Variants in CDH12 observed in about 807,000 individuals in gnomAD.
The protein encoded by CDH12 is cadherin 12, also known as cadherin-12.
In CDH12, 41 loss-of-function variants were observed where a neutral mutation model predicts 74.1. The ratio of observed to expected loss-of-function variants is 0.55; its 90% CI spans 0.43 to 0.72. CDH12 has a LOEUF of 0.72. CDH12 is among the 30% of genes least tolerant of loss of function. CDH12 has a pLI of 0.00. For synonymous variants in CDH12, 399 were observed against 355.0 expected, an observed-to-expected ratio of 1.12 and a Z score of -1.39; for missense variants, 945 against 977.2, an observed-to-expected ratio of 0.97 and a Z score of 0.44.
intron 4 of CDH12, among the ~76,000 whole-genome samples, chr5:22,178,148 T>TA (rs1408460936): frequency 2.0e-5 from 3 of 152,176 alleles, no homozygotes; most frequent in African/African-American, 7.2e-5. Flanking sequence ...ATCTAATTGG[T>TA]CATGCCCCTC....
chr5:22,283,694 T>C (rs1422444308), intron 3 of CDH12, among the ~76,000 whole-genome samples: 2 of 152,068 alleles, frequency 1.3e-5, no homozygotes, highest in Non-Finnish European at 2.9e-5. Flanking sequence ...AGATCTATTG[T>C]ATAGTATGGT....
At chr5:22,044,434 G>C (rs1396217318) in intron 5 of CDH12, among the ~76,000 whole-genome samples, 1 of 152,174 alleles carries the variant, frequency 6.6e-6, no homozygotes, top group Non-Finnish European at 1.5e-5. Flanking sequence ...GCAGGAGAGA[G>C]AGAGCAGGAA....
intron 5 of CDH12, among the ~76,000 whole-genome samples, chr5:22,046,360 T>C (rs1489067494): frequency 6.6e-6 from 1 of 152,020 alleles, no homozygotes; most frequent in Non-Finnish European, 1.5e-5. Context: ...CCAAAGATTT[T>C]CATTCTTGTC....
At chr5:22,719,376 C>T (rs1011551928) in intron 1 of CDH12, among the ~76,000 whole-genome samples, 7 of 152,072 alleles carry the variant, frequency 4.6e-5, no homozygotes, top group African/African-American at 7.2e-5. Flanking sequence ...TAGATGGTTA[C>T]GGTGATGGTA....
At chr5:22,365,328 C>A (rs577742547) in intron 3 of CDH12, among the ~76,000 whole-genome samples, 3 of 152,250 alleles carry the variant, frequency 2.0e-5, no homozygotes, top group East Asian at 3.9e-4. Flanking sequence ...CTAGTAAAAT[C>A]ATCTCATCTC....
intron 3 of CDH12, among the ~76,000 whole-genome samples, chr5:22,252,823 G>A (rs1420184351): frequency 2.0e-5 from 3 of 151,660 alleles, no homozygotes; most frequent in Admixed American, 6.6e-5. Flanking sequence ...TCTATGTCCA[G>A]GAATTTTTTT....
intron 1 of CDH12, among the ~76,000 whole-genome samples, chr5:22,533,360 T>C (rs1737679081): frequency 6.6e-6 from 1 of 152,350 alleles, no homozygotes; most frequent in East Asian, 1.9e-4. Context: ...GTCTTCTTTC[T>C]GTACATAATG....
At chr5:22,469,098 A>G (rs150281519) in intron 2 of CDH12, among the ~76,000 whole-genome samples, 3 of 152,316 alleles carry the variant, frequency 2.0e-5, no homozygotes, top group East Asian at 3.9e-4. Context: ...AGGGGCTGGA[A>G]AAATTATCAT....
chr5:22,290,366 CA>C (rs1163057277), intron 3 of CDH12, among the ~76,000 whole-genome samples: 2 of 151,408 alleles, frequency 1.3e-5, no homozygotes, highest in East Asian at 1.9e-4. Flanking sequence ...CAGCAAAGTT[CA>C]AAAAAATACA....
chr5:22,271,882 G>C (rs978776939), intron 3 of CDH12, among the ~76,000 whole-genome samples: 4 of 151,890 alleles, frequency 2.6e-5, no homozygotes, highest in African/African-American at 9.7e-5. Context: ...CTCAGATTTT[G>C]TTGTTCCATT....
chr5:21,790,817 G>A (rs988561435), intron 10 of CDH12, among the ~76,000 whole-genome samples: 1 of 151,776 alleles, frequency 6.6e-6, no homozygotes, highest in Non-Finnish European at 1.5e-5. Flanking sequence ...TTTCTTATCT[G>A]GCATCAAGTC....
Position 21,956,125 on chromosome 5 carries a change from C to A in CDH12, c.526+18966G>T, listed in dbSNP as rs187877545. 9.0e-3 allele frequency among the ~76,000 whole-genome samples: 1,360 copies of A among 151,662 alleles called. 23 individuals are homozygous for A. Among genetic ancestry groups the A allele is most frequent in the African/African-American group, 0.031 (1,303 of 41,372 alleles). On this transcript the variant is annotated intron_variant, in intron 6 of 14. Coordinates refer to ENST00000382254, the MANE Select transcript of CDH12 (RefSeq NM_004061.5). ...AGTATTATATTGTAGATGAAATAAG[C>A]AAAACATTTAAAATACAAATGTGAT...
intron 2 of CDH12, among the ~76,000 whole-genome samples, chr5:22,436,644 TG>T (rs1400578972): frequency 1.3e-5 from 2 of 152,000 alleles, no homozygotes; most frequent in African/African-American, 4.8e-5. Context: ...GAGAACTCAC[TG>T]GGCGGATACG....
intron 6 of CDH12, among the ~76,000 whole-genome samples, chr5:21,879,557 A>G (rs906728749): frequency 1.3e-5 from 2 of 152,222 alleles, no homozygotes; most frequent in Non-Finnish European, 2.9e-5. Flanking sequence ...TAATCAATTA[A>G]GTTATTATTC....
At chr5:22,708,797 C>G (rs1223604278) in intron 1 of CDH12, among the ~76,000 whole-genome samples, 1 of 152,046 alleles carries the variant, frequency 6.6e-6, no homozygotes, top group African/African-American at 2.4e-5. Context: ...AAATGTAGAA[C>G]TAGTTTTCCT....
chr5:22,736,603 C>A (rs1346995144), intron 1 of CDH12, among the ~76,000 whole-genome samples: 4 of 150,062 alleles, frequency 2.7e-5, no homozygotes, highest in African/African-American at 7.3e-5. Flanking sequence ...GATACGTTTT[C>A]AAAAAAAATG....
At chr5:21,922,068 C>T (rs777829122) in intron 6 of CDH12, among the ~76,000 whole-genome samples, 5 of 152,102 alleles carry the variant, frequency 3.3e-5, no homozygotes, top group African/African-American at 4.8e-5. Flanking sequence ...AAGGTAGAAA[C>T]GTCTCTGTGA....
intron 4 of CDH12, among the ~76,000 whole-genome samples, chr5:22,114,138 T>C (rs558526855): frequency 2.0e-5 from 3 of 152,264 alleles, no homozygotes; most frequent in African/African-American, 7.2e-5. Flanking sequence ...TTTGTTACGC[T>C]GCCTTACTAT....
chr5:22,052,559 C>G (rs1051383382), intron 5 of CDH12, among the ~76,000 whole-genome samples: 1 of 152,014 alleles, frequency 6.6e-6, no homozygotes, highest in South Asian at 2.1e-4. Flanking sequence ...CTATTTCACT[C>G]CTTTGCTTTC....
Sources: gnomAD v4.1 joint callset for allele counts (sites outside exome capture counted in the v4.1 genomes callset) on GRCh38, gnomAD v4.1.1 for gene constraint, MANE v1.5 for transcripts, NCBI Gene and HGNC (gene_info 2026-07-23, HGNC 2026-07-21) for gene names.